NCAM2: variants seen among roughly 807,000 people sequenced by gnomAD.
NCAM2 encodes the protein N-CAM-2.
Under a neutral mutation model 98.1 loss-of-function variants are expected in NCAM2, and 30 were observed. The observed-to-expected ratio is 0.31, with a 90% CI of 0.23 to 0.41. The LOEUF is 0.41. Among genes scored for constraint, NCAM2 ranks in the 10% least tolerant of loss-of-function variants. The pLI is 1.00. For synonymous variants in NCAM2, 368 were observed against 342.4 expected (o/e 1.07, Z -0.83); for missense variants, 867 against 1,005.8 (o/e 0.86, Z 1.87).
intron 5 of NCAM2, among the ~76,000 whole-genome samples, chr21:21,306,278 G>A (rs559973099): frequency 6.6e-6 from 1 of 152,196 alleles, no homozygotes; most frequent in Non-Finnish European, 1.5e-5. Flanking sequence ...AGAAATAGCT[G>A]TTTAAACTCT....
At chr21:21,325,398 G>A (rs1381541422) in intron 6 of NCAM2, among the ~76,000 whole-genome samples, 3 of 152,140 alleles carry the variant, frequency 2.0e-5, no homozygotes, top group African/African-American at 7.2e-5. Context: ...AGCATGTACT[G>A]ATATTACCTT....
intron 1 of NCAM2, among the ~76,000 whole-genome samples, chr21:21,183,337 T>C (rs1012115718): frequency 2.0e-5 from 3 of 152,114 alleles, no homozygotes; most frequent in Admixed American, 6.6e-5. Flanking sequence ...ATCCTAATGC[T>C]GTGATGGCTC....
rs552913279 is a variant in NCAM2, at chr21:21,188,017, A to G, written c.56-92561A>G. Among the ~76,000 whole-genome samples, 145 of 152,188 alleles carry G rather than the reference A, an allele frequency of 9.5e-4. 3 individuals carry two copies. Among genetic ancestry groups the G allele is most frequent in the Admixed American group, 5.2e-4 (8 of 15,268 alleles). ...GTGCAAAAATGGAGGATATTCATTT[A>G]TTTGACTACGTCTGAGTGTTTTACA... On this transcript the variant is annotated intron_variant, in intron 1 of 17. Coordinates refer to ENST00000400546, the MANE Select transcript of NCAM2 (RefSeq NM_004540.5).
At chr21:21,019,101 C>G (rs1248134085) in intron 1 of NCAM2, among the ~76,000 whole-genome samples, 1 of 152,188 alleles carries the variant, frequency 6.6e-6, no homozygotes, top group African/African-American at 2.4e-5. Context: ...CTTTCCCATG[C>G]ACAAGTTGCT....
chr21:21,000,091 A>C (rs540051599), intron 1 of NCAM2, among the ~76,000 whole-genome samples: 1 of 152,386 alleles, frequency 6.6e-6, no homozygotes, highest in Non-Finnish European at 1.5e-5. Context: ...AGCTAATACT[A>C]GCCCAATTCG....
chr21:21,465,552 A>G (rs1983571310), intron 12 of NCAM2, among the ~76,000 whole-genome samples: 1 of 35,792 alleles, frequency 2.8e-5, no homozygotes. Flanking sequence ...AGTAAATTAT[A>G]ATATAATCAT....
At chr21:21,274,975 A>G (rs1236993195) in intron 1 of NCAM2, among the ~76,000 whole-genome samples, 2 of 152,044 alleles carry the variant, frequency 1.3e-5, no homozygotes, top group Non-Finnish European at 2.9e-5. Flanking sequence ...GAACTTAGAA[A>G]TGCTAATATA....
intron 9 of NCAM2, among the ~76,000 whole-genome samples, chr21:21,374,229 T>A (rs779322819): frequency 8.6e-5 from 13 of 151,914 alleles, no homozygotes; most frequent in Admixed American, 2.0e-4. Context: ...ATTTTGATAT[T>A]GCTTTTCCTG....
chr21:21,382,649 G>A (rs1266253971), intron 9 of NCAM2, among the ~76,000 whole-genome samples: 1 of 151,646 alleles, frequency 6.6e-6, no homozygotes, highest in Non-Finnish European at 1.5e-5. Context: ...CTGAGTAGCT[G>A]GGATTACAGG....
intron 12 of NCAM2, among the ~76,000 whole-genome samples, chr21:21,454,782 T>C (rs1017138497): frequency 6.6e-5 from 10 of 151,932 alleles, no homozygotes; most frequent in African/African-American, 2.4e-4. Context: ...CTGGCGGGCT[T>C]TTAAAAAACC....
At chr21:21,365,810 G>A (rs1194977593) in intron 8 of NCAM2, among the ~76,000 whole-genome samples, 10 of 152,020 alleles carry the variant, frequency 6.6e-5, no homozygotes, top group Admixed American at 6.6e-4. Flanking sequence ...GTAGCATAGT[G>A]GATACTGCAG....
chr21:21,242,700 T>C (rs937505464), intron 1 of NCAM2, among the ~76,000 whole-genome samples: 3 of 152,214 alleles, frequency 2.0e-5, no homozygotes, highest in Non-Finnish European at 4.4e-5. Flanking sequence ...CCATTGTGTA[T>C]ATAAGACCAC....
chr21:21,096,447 TA>T (rs2066125633), intron 1 of NCAM2, among the ~76,000 whole-genome samples: 2 of 151,756 alleles, frequency 1.3e-5, no homozygotes, highest in Non-Finnish European at 3.0e-5. Context: ...ATCAAAGCAT[TA>T]AAACATTTAT....
chr21:21,414,473 G>GTTT (rs35280147), intron 10 of NCAM2, among the ~76,000 whole-genome samples: 4,322 of 137,378 alleles, frequency 0.031, 113 homozygotes, highest in Non-Finnish European at 0.047. Flanking sequence ...TTTGTTGTGT[G>GTTT]TTTTTTTTTT....
rs185581855 is a variant in NCAM2, at chr21:21,226,315, A to T, written c.56-54263A>T. ...TACCCCCAAATTTAAAATTAAAATA[A>T]ATAAAAAATAAAATACTTTAGTTTT... On this transcript the variant is annotated intron_variant, in intron 1 of 17. Transcript: ENST00000400546. Among the ~76,000 whole-genome samples the T allele has an allele frequency of 2.2e-3, 342 of 152,202 alleles. 2 individuals carry two copies. The highest frequency in any genetic ancestry group is 7.8e-3 in the African/African-American group (326 of 41,556).
chr21:21,495,664 C>T (rs1347081172), intron 15 of NCAM2, among the ~76,000 whole-genome samples: 1 of 151,996 alleles, frequency 6.6e-6, no homozygotes, highest in Non-Finnish European at 1.5e-5. Context: ...CAATGCCCAC[C>T]AATCACCTCT....
chr21:21,080,187 C>T (rs1311465461), intron 1 of NCAM2, among the ~76,000 whole-genome samples: 1 of 152,122 alleles, frequency 6.6e-6, no homozygotes, highest in Non-Finnish European at 1.5e-5. Flanking sequence ...TATGTATTTG[C>T]TCAGTCCCAT....
intron 1 of NCAM2, among the ~76,000 whole-genome samples, chr21:21,084,780 A>G (rs1304028867): frequency 6.6e-6 from 1 of 152,172 alleles, no homozygotes; most frequent in Non-Finnish European, 1.5e-5. Flanking sequence ...GGCACTGATA[A>G]TGTAATTAGC....
chr21:21,117,552 T>G (rs920764562), intron 1 of NCAM2, among the ~76,000 whole-genome samples: 1 of 152,158 alleles, frequency 6.6e-6, no homozygotes, highest in Non-Finnish European at 1.5e-5. Flanking sequence ...TGCAATGAAA[T>G]GTAACAGCAA....
Sources: gnomAD v4.1 joint callset for allele counts (sites outside exome capture counted in the v4.1 genomes callset) on GRCh38, gnomAD v4.1.1 for gene constraint, MANE v1.5 for transcripts, NCBI Gene and HGNC (gene_info 2026-07-23, HGNC 2026-07-21) for gene names.